The following DNER variants were observed in gnomAD, a reference collection of about 807,000 sequenced individuals.
The protein encoded by DNER is delta/notch like EGF repeat containing.
DNER carries 33 observed loss-of-function variants against 78.2 expected under a neutral mutation model. The ratio of observed to expected loss-of-function variants is 0.42; its 90% CI spans 0.32 to 0.56. The LOEUF is 0.56. Among genes scored for constraint, DNER ranks in the 20% least tolerant of loss-of-function variants. The pLI is 0.11. For missense variants in DNER, 918 were observed against 975.3 expected (o/e 0.94, Z 0.78); for synonymous variants, 417 against 384.8 (o/e 1.08, Z -0.98).
intron 1 of DNER, among the ~76,000 whole-genome samples, chr2:229,656,384 T>C (rs1039794048): frequency 6.6e-6 from 1 of 152,082 alleles, no homozygotes; most frequent in Non-Finnish European, 1.5e-5. Flanking sequence ...CAAAAAACAG[T>C]CCCTACCTCA....
chr2:229,707,561 C>T (rs1323018184), intron 1 of DNER, among the ~76,000 whole-genome samples: 1 of 152,208 alleles, frequency 6.6e-6, no homozygotes, highest in Non-Finnish European at 1.5e-5. Flanking sequence ...GTGCCCACAG[C>T]TGCACCCCAC....
chr2:229,674,901 C>T (rs1190941290), intron 1 of DNER, among the ~76,000 whole-genome samples: 1 of 152,218 alleles, frequency 6.6e-6, no homozygotes, highest in Non-Finnish European at 1.5e-5. Flanking sequence ...CTTCACTCAT[C>T]ACCTTGTGCT....
intron 8 of DNER, among the ~76,000 whole-genome samples, chr2:229,439,782 T>G (rs114436181): frequency 0.013 from 1,919 of 152,330 alleles, 51 homozygotes; most frequent in African/African-American, 0.044. Flanking sequence ...CAAAACGAGC[T>G]GTCCTCAGAA....
chr2:229,467,303 A>G (rs1325537421), intron 7 of DNER, among the ~76,000 whole-genome samples: 1 of 152,202 alleles, frequency 6.6e-6, no homozygotes, highest in Non-Finnish European at 1.5e-5. Context: ...AGGCGTCAGT[A>G]TCTATCTTCA....
rs77984467 is a variant in DNER, at chr2:229,533,616, C to T, written c.993+13331G>A. ...GCGTACCAGGCCCTTCTGCTCCACA[C>T]GGGAAGCACTACGGCTCCCTCAAGG... On this transcript the variant is annotated intron_variant, in intron 5 of 12. Transcript: ENST00000341772. Among the ~76,000 whole-genome samples the T allele has an allele frequency of 2.4e-3, 364 of 152,272 alleles. 2 individuals are homozygous for T. Among genetic ancestry groups the T allele is most frequent in the African/African-American group, 8.1e-3 (335 of 41,562 alleles).
At chr2:229,626,513 T>C (rs1454557539) in intron 1 of DNER, among the ~76,000 whole-genome samples, 1 of 152,176 alleles carries the variant, frequency 6.6e-6, no homozygotes, top group African/African-American at 2.4e-5. Flanking sequence ...TTACAGAGAA[T>C]CGGGCAATTA....
At chr2:229,587,546 G>C (rs773009587) in intron 3 of DNER, among the ~76,000 whole-genome samples, 1 of 152,192 alleles carries the variant, frequency 6.6e-6, no homozygotes, top group Non-Finnish European at 1.5e-5. Flanking sequence ...TACAGTGCCC[G>C]CAGGCCCCTT....
intron 4 of DNER, among the ~76,000 whole-genome samples, chr2:229,575,967 T>C (rs1424121652): frequency 1.3e-5 from 2 of 152,192 alleles, no homozygotes; most frequent in Non-Finnish European, 2.9e-5. Flanking sequence ...ACTAAGCAAA[T>C]GTGAGCTATA....
intron 12 of DNER, among the ~76,000 whole-genome samples, chr2:229,361,424 G>A (rs1019010305): frequency 2.6e-5 from 4 of 152,122 alleles, no homozygotes; most frequent in African/African-American, 9.7e-5. Flanking sequence ...ATAGTCCACA[G>A]GCCAATTCCA....
intron 1 of DNER, among the ~76,000 whole-genome samples, chr2:229,594,980 A>C (rs1415368618): frequency 1.5e-5 from 2 of 129,242 alleles, no homozygotes; most frequent in Non-Finnish European, 3.2e-5. Flanking sequence ...AAAAAAAAAA[A>C]AAAAAAAACT....
chr2:229,511,471 C>T (rs924346072), intron 6 of DNER, among the ~76,000 whole-genome samples: 1 of 152,142 alleles, frequency 6.6e-6, no homozygotes, highest in Non-Finnish European at 1.5e-5. Flanking sequence ...ACTGCACTCT[C>T]CCTAGAGGCC....
intron 8 of DNER, among the ~76,000 whole-genome samples, chr2:229,434,429 G>A (rs896222066): frequency 2.0e-5 from 3 of 152,180 alleles, no homozygotes; most frequent in Non-Finnish European, 2.9e-5. Flanking sequence ...TGACAGTCAG[G>A]ACTTCAGCTA....
At chr2:229,445,085 G>A (rs1020979352) in intron 8 of DNER, among the ~76,000 whole-genome samples, 1 of 152,198 alleles carries the variant, frequency 6.6e-6, no homozygotes, top group Non-Finnish European at 1.5e-5. Flanking sequence ...GACATCCAGA[G>A]CAGAGCTGGG....
intron 1 of DNER, among the ~76,000 whole-genome samples, chr2:229,674,723 C>T (rs1383978706): frequency 1.3e-5 from 2 of 152,224 alleles, no homozygotes; most frequent in Admixed American, 6.5e-5. Flanking sequence ...ACAGAGAAGA[C>T]ACTGGCTGGA....
intron 12 of DNER, among the ~76,000 whole-genome samples, chr2:229,362,973 T>C (rs1692249144): frequency 6.6e-6 from 1 of 152,220 alleles, no homozygotes; most frequent in African/African-American, 2.4e-5. Flanking sequence ...TTTTGAGCTA[T>C]TGGGGAAAAA....
chr2:229,402,529 CAGAG>C (rs1693289898), intron 10 of DNER, among the ~76,000 whole-genome samples: 1 of 152,140 alleles, frequency 6.6e-6, no homozygotes. Flanking sequence ...AGTTAAAAGA[CAGAG>C]AGAAAGATAT....
chr2:229,372,453 G>T (rs375310019), intron 11 of DNER, among the ~76,000 whole-genome samples: 2 of 152,220 alleles, frequency 1.3e-5, no homozygotes, highest in Non-Finnish European at 1.5e-5. Flanking sequence ...GTGAGCACAG[G>T]CCTGTGGGAG....
intron 4 of DNER, among the ~76,000 whole-genome samples, chr2:229,567,577 T>C (rs1016783264): frequency 2.6e-5 from 4 of 152,204 alleles, no homozygotes; most frequent in Non-Finnish European, 2.9e-5. Flanking sequence ...AAAACAGCCC[T>C]GACCATGGAG....
intron 8 of DNER, among the ~76,000 whole-genome samples, chr2:229,430,667 G>A (rs1399379003): frequency 1.4e-5 from 2 of 146,148 alleles, no homozygotes; most frequent in African/African-American, 2.6e-5. Flanking sequence ...CCTTGTGATC[G>A]TGTGACTTAA....
Sources: gnomAD v4.1 joint callset for allele counts (sites outside exome capture counted in the v4.1 genomes callset) on GRCh38, gnomAD v4.1.1 for gene constraint, MANE v1.5 for transcripts, NCBI Gene and HGNC (gene_info 2026-07-23, HGNC 2026-07-21) for gene names.